PDGFA: variants seen among roughly 807,000 people sequenced by gnomAD.
The protein encoded by PDGFA is platelet derived growth factor subunit A, also known as platelet-derived growth factor subunit A.
A neutral mutation model predicts 25.6 loss-of-function variants in PDGFA; 9 were observed. The ratio of observed to expected loss-of-function variants is 0.35; its 90% CI spans 0.21 to 0.61. The LOEUF (loss-of-function observed/expected upper bound fraction) is 0.61, where lower values mean the gene tolerates loss of function less well. Ranked by LOEUF, PDGFA falls within the 20% of genes least tolerant of loss-of-function variation. The pLI, the probability that PDGFA is intolerant of heterozygous loss-of-function variation, is 0.75. For synonymous variants in PDGFA, 133 were observed against 111.8 expected, an observed-to-expected ratio of 1.19 and a Z score of -1.20; for missense variants, 242 against 272.8, an observed-to-expected ratio of 0.89 and a Z score of 0.79.
At chr7:506,175 C>CAAAAAAGAA (rs1782557069) in intron 4 of PDGFA, among the ~76,000 whole-genome samples, 1 of 107,352 alleles carries the variant, frequency 9.3e-6, no homozygotes, top group African/African-American at 3.6e-5. Context: ...GACTCTGTCT[C>CAAAAAAGAA]AAAAAAAAAA....
rs1783173955 is a variant in PDGFA at position 517,738 on chromosome 7, C to CG, written c.64-249_64-248insC. 6.6e-6 allele frequency among the ~76,000 whole-genome samples: 1 copy of CG among 151,764 alleles called. No individual in the cohort carries two copies. Among genetic ancestry groups the CG allele is most frequent in the African/African-American group, 2.4e-5 (1 of 41,342 alleles). On this transcript the variant is annotated intron_variant, in intron 1 of 5. Transcript: ENST00000402802. The surrounding 1 kb of genome is among the most constrained non-coding windows in gnomAD (Gnocchi z 7.4). Reference sequence around the variant, plus strand: ...CCTTTGCAAAATCAAAGCCCCCCCCCCTTTATATTTTCAGACAAAAGCCCC... The same window carrying CG: ...CCTTTGCAAAATCAAAGCCCCCCCCCGCTTTATATTTTCAGACAAAAGCCCC...
chr7:502,737 G>C (rs561141236), intron 4 of PDGFA, among the ~76,000 whole-genome samples: 4 of 151,354 alleles, frequency 2.6e-5, no homozygotes, highest in African/African-American at 9.7e-5. Context: ...AGAGAGGGGA[G>C]CTTCAGGCAT....
At chr7:512,391 G>A (rs367909588) in exon 3 of PDGFA, 116 of 1,613,548 alleles carry the variant, frequency 7.2e-5, no homozygotes, top group East Asian at 1.1e-4. Context: ...GCCGCTTCTC[G>A]GGCACATGCT....
intron 4 of PDGFA, among the ~76,000 whole-genome samples, chr7:503,855 C>T (rs1392383319): frequency 6.6e-6 from 1 of 152,134 alleles, no homozygotes; most frequent in East Asian, 1.9e-4. Context: ...CAGGACCTGG[C>T]CTGGGAGGTT....
chr7:498,821 T>C (rs1257490571), intron 5 of PDGFA, among the ~76,000 whole-genome samples: 1 of 152,206 alleles, frequency 6.6e-6, no homozygotes, highest in Non-Finnish European at 1.5e-5. Context: ...CAAGCCCCAT[T>C]CTCCCATTGT....
rs960171259 is a variant in PDGFA at position 500,410 on chromosome 7, G to A, written c.580+706C>T. 1.2e-6 allele frequency: 2 copies of A among 1,613,116 alleles called. No homozygotes were observed. Among genetic ancestry groups the A allele is most frequent in the Admixed American group, 1.7e-5 (1 of 60,002 alleles). ...ACCTCCCCGCCCTGCAGGACTCAGTGTGTCCGGCAGACAGTCCTACCTGGT... is the reference window on the plus strand; with the variant it reads ...ACCTCCCCGCCCTGCAGGACTCAGTATGTCCGGCAGACAGTCCTACCTGGT... On this transcript the variant is annotated intron_variant, in intron 5 of 5. Coordinates refer to ENST00000402802, the Ensembl canonical transcript of PDGFA. This position sits in a 1 kb window ranked among gnomAD's most constrained non-coding sequence, Gnocchi z 5.0.
In PDGFA at chr7:517,216, G is replaced by A. The variant is rs966083007; in HGVS notation, c.160+178C>T. On this transcript the variant is annotated intron_variant, in intron 2 of 5. Coordinates refer to ENST00000402802, the Ensembl canonical transcript of PDGFA. The surrounding 1 kb of genome is among the most constrained non-coding windows in gnomAD (Gnocchi z 7.4). ...GAGCAGCCCTCGGCCGCCGCTGGGA[G>A]AGAAAGTGGAGACTGGAAGAGAAAC... Among the ~76,000 whole-genome samples the A allele has an allele frequency of 1.3e-5, 2 of 151,434 alleles. No homozygotes were observed. The highest frequency in any genetic ancestry group is 2.9e-5 in the Non-Finnish European group (2 of 67,822).
chr7:509,749 C>T (rs1049236917), intron 4 of PDGFA, among the ~76,000 whole-genome samples: 1 of 152,130 alleles, frequency 6.6e-6, no homozygotes, highest in African/African-American at 2.4e-5. Context: ...CACAGTCTGC[C>T]GGCGCCCTGA....
chr7:508,787 C>G (rs1782678534), intron 4 of PDGFA, among the ~76,000 whole-genome samples: 1 of 152,112 alleles, frequency 6.6e-6, no homozygotes, highest in Non-Finnish European at 1.5e-5. Flanking sequence ...AGATGGGAGC[C>G]CCAGGGAGGT....
At position 512,407 on chromosome 7, in the gene PDGFA, G is replaced by A. The variant is rs754258510; in HGVS notation, c.209C>T (p.Ala70Val). The change falls in exon 3 of 6, where the codon GCC becomes GTC. Residue 70 changes from alanine (A) to valine (V), a missense_variant. Physicochemically the swap from Ala to Val is moderately conservative, Grantham distance 64. This residue lies in a region of PDGFA where 113 missense variants were observed against 98.3 expected (regional missense o/e 1.15). Transcript: ENST00000402802. ...CCGCTTCTCGGGCACATGCTTAGTG[G>A]CATGGACCCCGTGAGCTCTCAGGCT... The A allele has an allele frequency of 2.3e-5, 37 of 1,613,782 alleles. No homozygotes were observed. In the East Asian group the frequency reaches 8.0e-4, roughly 35 times the overall value.
chr7:501,322 G>T, intron 4 of PDGFA, 80 bp from the exon 5 acceptor site: 1 of 1,575,914 alleles, frequency 6.3e-7, no homozygotes, highest in Non-Finnish European at 8.7e-7. Flanking sequence ...CCGGGGACAG[G>T]CTGAGAGGGA....
exon 6 of PDGFA, chr7:498,526 T>G: frequency 1.9e-6 from 3 of 1,598,228 alleles, no homozygotes; most frequent in Middle Eastern, 3.3e-4. Context: ...TAACACGCCA[T>G]GTACATCCAT....
chr7:514,012 C>T (rs570100994), intron 2 of PDGFA, among the ~76,000 whole-genome samples: 9 of 152,358 alleles, frequency 5.9e-5, no homozygotes, highest in Admixed American at 5.9e-4. Context: ...TTATGAATCA[C>T]ATCCTGGTGG....
chr7:517,417 C>T lies in PDGFA; in HGVS notation c.137G>A (p.Arg46Gln), dbSNP rs1484628877. The stretch of plus-strand genomic sequence containing the variant: ...ACCTACGGAGTCTATCTCCAGGAGT[C>T]GCTGGAGGTCCCGGATGCTGTGGAT... Residue 46 changes from arginine (R) to glutamine (Q), a missense_variant, in exon 2 of 6, where the codon CGA becomes CAA. By Grantham distance (43) the Arg-to-Gln change is conservative. Transcript: ENST00000402802. The surrounding 1 kb of genome is among the most constrained non-coding windows in gnomAD (Gnocchi z 7.4). The T allele has an allele frequency of 7.2e-7, 1 of 1,388,020 alleles. No individual in the cohort carries two copies. Among genetic ancestry groups the T allele is most frequent in the Non-Finnish European group, 9.5e-7 (1 of 1,055,744 alleles). The allele number at this position is 1,388,020 out of a possible 1,614,324, so 86.0% of individuals were successfully genotyped here.
rs779125431 is a variant in PDGFA at position 510,799 on chromosome 7, G to T, written c.453+10C>A. 2 of 1,085,018 alleles carry T rather than the reference G, an allele frequency of 1.8e-6. No homozygotes were observed. Among genetic ancestry groups the T allele is most frequent in the Admixed American group, 5.7e-5 (2 of 35,020 alleles). 67.2% of individuals were successfully genotyped at this position (1,085,018 alleles called of 1,614,324 possible). A position where few individuals can be genotyped will look rare whatever the true frequency, so the allele number is the denominator to read the frequency against. On this transcript the variant is annotated intron_variant, in intron 4 of 5. Coordinates refer to ENST00000402802, the Ensembl canonical transcript of PDGFA. ...GAGGGGAGGGGAGGGGAGGGGAGGGGAGGGCTCACCTTGACGCTGCGGTGG... is the reference window on the plus strand; with the variant it reads ...GAGGGGAGGGGAGGGGAGGGGAGGGTAGGGCTCACCTTGACGCTGCGGTGG...
At position 512,494 on chromosome 7, in the gene PDGFA, C is replaced by T. The variant is rs766069834; in HGVS notation, c.161-39G>A. ...GAGAACACCGTGAATGCCCCAGGCC[C>T]GTGCGCTGTGCCCTGGGCCTGTCCA... is the stretch of plus-strand genomic sequence containing the variant. On this transcript the variant is annotated intron_variant, in intron 2 of 5. Coordinates refer to ENST00000402802, the Ensembl canonical transcript of PDGFA. The T allele has an allele frequency of 2.9e-5, 47 of 1,612,582 alleles. No homozygotes were observed. The East Asian group carries it at 3.8e-4, about 13-fold the overall frequency.
chr7:498,291 T>C (rs1054817249), exon 6 of PDGFA: 23 of 510,410 alleles, frequency 4.5e-5, no homozygotes, highest in Non-Finnish European at 8.0e-5. Context: ...GTTTTGTTTT[T>C]GTCATTTGTG....
intron 3 of PDGFA, 93 bp downstream of exon 3, chr7:512,258 C>T (rs537774120): frequency 1.5e-4 from 178 of 1,200,782 alleles, no homozygotes; most frequent in Non-Finnish European, 1.9e-4. Context: ...GAGCGGGCAG[C>T]TCCTCCCCAC....
chr7:509,724 C>T (rs1036403418), intron 4 of PDGFA, among the ~76,000 whole-genome samples: 8 of 152,176 alleles, frequency 5.3e-5, no homozygotes, highest in Admixed American at 2.0e-4. Flanking sequence ...CCAGAAAACA[C>T]GGCTCCAGCG....
Sources: allele counts gnomAD v4.1 joint callset (sites outside exome capture counted in the v4.1 genomes callset), GRCh38; gene constraint gnomAD v4.1.1; regional missense constraint gnomAD v4.1.1; non-coding constraint Gnocchi (gnomAD v3.1); transcripts MANE v1.5; gene names NCBI Gene and HGNC (gene_info 2026-07-23, HGNC 2026-07-21).